STX8: variants seen among roughly 807,000 people sequenced by gnomAD.
The protein encoded by STX8 is syntaxin-8.
A neutral mutation model predicts 37.5 loss-of-function variants in STX8; 23 were observed. That is an observed-to-expected ratio of 0.61 (90% CI 0.44 to 0.87). STX8 has a LOEUF of 0.87. Ranked by LOEUF, STX8 falls within the 40% of genes least tolerant of loss-of-function variation. The pLI, the probability that STX8 is intolerant of heterozygous loss-of-function variation, is 0.00. For missense variants in STX8, 313 were observed against 284.7 expected, an observed-to-expected ratio of 1.10 and a Z score of -0.71; for synonymous variants, 115 against 99.1, an observed-to-expected ratio of 1.16 and a Z score of -0.95.
intron 7 of STX8, among the ~76,000 whole-genome samples, chr17:9,328,888 A>G (rs2142214930): frequency 6.6e-6 from 1 of 151,972 alleles, no homozygotes; most frequent in African/African-American, 2.4e-5. Context: ...CATCTCTACT[A>G]AAAGTACAAA....
At chr17:9,258,721 C>T (rs1906894185) in intron 7 of STX8, among the ~76,000 whole-genome samples, 2 of 152,258 alleles carry the variant, frequency 1.3e-5, no homozygotes, top group African/African-American at 4.8e-5. Context: ...TGGCATCCAA[C>T]TCAACTCTGC....
chr17:9,460,546 G>A (rs8067677), intron 6 of STX8, among the ~76,000 whole-genome samples: 38,047 of 151,292 alleles, frequency 0.25, 5,092 homozygotes, highest in Middle Eastern at 0.31. Flanking sequence ...GGTGGTGGGC[G>A]CCTGTAGTCC....
intron 2 of STX8, among the ~76,000 whole-genome samples, chr17:9,558,735 A>G (rs1907087108): frequency 6.6e-6 from 1 of 152,044 alleles, no homozygotes; most frequent in Admixed American, 6.5e-5. Context: ...AGGCAGGAGA[A>G]CGGCGTGAAC....
intron 3 of STX8, among the ~76,000 whole-genome samples, chr17:9,548,143 C>T (rs1906622105): frequency 6.6e-6 from 1 of 151,330 alleles, no homozygotes; most frequent in Non-Finnish European, 1.5e-5. Context: ...CTCCCTCTGT[C>T]GCCCAGCCTG....
At chr17:9,337,960 C>A (rs1310007335) in intron 7 of STX8, among the ~76,000 whole-genome samples, 2 of 151,378 alleles carry the variant, frequency 1.3e-5, no homozygotes, top group Non-Finnish European at 2.9e-5. Flanking sequence ...AAGGAAGATT[C>A]GGCCTGAGAC....
chr17:9,562,516 T>A (rs564285260), intron 2 of STX8, among the ~76,000 whole-genome samples: 1 of 151,370 alleles, frequency 6.6e-6, no homozygotes, highest in East Asian at 1.9e-4. Context: ...CTAATCTCCA[T>A]AATACGTGAG....
chr17:9,492,674 A>G (rs1906905468), intron 5 of STX8, among the ~76,000 whole-genome samples: 1 of 152,232 alleles, frequency 6.6e-6, no homozygotes, highest in African/African-American at 2.4e-5. Flanking sequence ...CCAGCTGGGC[A>G]CAGTGGCTCA....
intron 7 of STX8, among the ~76,000 whole-genome samples, chr17:9,271,930 C>T (rs557844988): frequency 3.9e-5 from 6 of 152,200 alleles, no homozygotes; most frequent in Admixed American, 1.3e-4. Flanking sequence ...ACTATAAGTA[C>T]GGATAATGGG....
chr17:9,496,264 C>T (rs779085290), intron 5 of STX8, among the ~76,000 whole-genome samples: 1 of 152,100 alleles, frequency 6.6e-6, no homozygotes, highest in Admixed American at 6.5e-5. Flanking sequence ...TTAGTAGAGA[C>T]GAGGTTTTGC....
intron 5 of STX8, among the ~76,000 whole-genome samples, chr17:9,500,552 C>A (rs1313839146): frequency 6.6e-6 from 1 of 152,156 alleles, no homozygotes; most frequent in Non-Finnish European, 1.5e-5. Flanking sequence ...CTCTGTAGAT[C>A]TGCACAGGGG....
At chr17:9,258,631 A>C (rs979639881) in intron 7 of STX8, among the ~76,000 whole-genome samples, 4 of 152,188 alleles carry the variant, frequency 2.6e-5, no homozygotes, top group Admixed American at 2.6e-4. Flanking sequence ...TCTACATTTT[A>C]ATTTCCGCCG....
chr17:9,442,694 C>T (rs1904710372), intron 6 of STX8, among the ~76,000 whole-genome samples: 1 of 152,164 alleles, frequency 6.6e-6, no homozygotes, highest in Non-Finnish European at 1.5e-5. Flanking sequence ...AGGAACAAGC[C>T]ACTGTGCCCG....
At chr17:9,319,391 C>A (rs969246580) in intron 7 of STX8, among the ~76,000 whole-genome samples, 1 of 152,084 alleles carries the variant, frequency 6.6e-6, no homozygotes, top group Non-Finnish European at 1.5e-5. Context: ...TGCACTCCAG[C>A]CTGGGCGACA....
chr17:9,386,835 C>T (rs552265156), intron 6 of STX8, among the ~76,000 whole-genome samples: 1 of 152,228 alleles, frequency 6.6e-6, no homozygotes, highest in South Asian at 2.1e-4. Context: ...TGCCTGCTCT[C>T]AACTTCTACC....
intron 7 of STX8, among the ~76,000 whole-genome samples, chr17:9,317,754 ACT>A (rs1314985666): frequency 1.4e-5 from 2 of 146,860 alleles, no homozygotes; most frequent in African/African-American, 2.5e-5. Context: ...TGACAGTGAG[ACT>A]CTGTCTCAGA....
chr17:9,269,192 A>T (rs34288207), intron 7 of STX8, among the ~76,000 whole-genome samples: 12,349 of 151,068 alleles, frequency 0.082, 615 homozygotes, highest in East Asian at 0.21. Context: ...GTCTCAAAAA[A>T]AAAAAAAAAA....
intron 4 of STX8, among the ~76,000 whole-genome samples, chr17:9,522,541 C>CAAAAAAAAAAA (rs33970359): frequency 6.0e-5 from 4 of 66,894 alleles, no homozygotes; most frequent in African/African-American, 1.7e-4. Flanking sequence ...ACTAAAAATC[C>CAAAAAAAAAAA]AAAAAAAAAA....
At chr17:9,258,830 T>A (rs1166577606) in intron 7 of STX8, among the ~76,000 whole-genome samples, 3 of 152,180 alleles carry the variant, frequency 2.0e-5, no homozygotes, top group Non-Finnish European at 4.4e-5. Flanking sequence ...CCCCTCTGAG[T>A]GTAGCCTCAG....
intron 6 of STX8, among the ~76,000 whole-genome samples, chr17:9,408,009 T>C (rs1409828705): frequency 2.0e-5 from 3 of 152,220 alleles, no homozygotes; most frequent in East Asian, 3.8e-4. Context: ...TTTCAAAATA[T>C]GGCAAAGAAA....
Sources: gnomAD v4.1 joint callset for allele counts (sites outside exome capture counted in the v4.1 genomes callset) on GRCh38, gnomAD v4.1.1 for gene constraint, MANE v1.5 for transcripts, NCBI Gene and HGNC (gene_info 2026-07-23, HGNC 2026-07-21) for gene names.